REPS1: variants seen among roughly 807,000 people sequenced by gnomAD.
REPS1 encodes RALBP1 associated Eps domain containing 1.
A neutral mutation model predicts 100.9 loss-of-function variants in REPS1; 39 were observed. The ratio of observed to expected loss-of-function variants is 0.39; its 90% CI spans 0.30 to 0.50. The LOEUF (loss-of-function observed/expected upper bound fraction) is 0.50. Ranked by LOEUF, REPS1 falls within the 20% of genes least tolerant of loss-of-function variation. The pLI is 0.86. For synonymous variants in REPS1, 324 were observed against 340.3 expected, an observed-to-expected ratio of 0.95 and a Z score of 0.53; for missense variants, 821 against 968.5, an observed-to-expected ratio of 0.85 and a Z score of 2.02.
chr6:138,948,141 A>C (rs1443485209), intron 1 of REPS1, among the ~76,000 whole-genome samples: 2 of 152,184 alleles, frequency 1.3e-5, no homozygotes, highest in African/African-American at 4.8e-5. Context: ...AATCCATATG[A>C]TTAGCAATTT....
Position 138,988,031 on chromosome 6 carries a change from G to C in REPS1, c.-349C>G, listed in dbSNP as rs143077749. 1.1e-4 allele frequency: 42 copies of C among 396,838 alleles called. No individual in the cohort carries two copies. The highest frequency in any genetic ancestry group is 7.8e-4 in the African/African-American group (38 of 48,638). 24.6% of individuals were successfully genotyped at this position (396,838 alleles called of 1,614,324 possible). On this transcript the variant is annotated 5_prime_UTR_variant, in exon 1 of 20. Transcript: ENST00000450536. The stretch of plus-strand genomic sequence containing the variant: ...GGCACTGGCGGACTCCGCCCCCGCC[G>C]CGGGTTCGAGTCTCCCCGGCTCCCT...
In REPS1 at chr6:138,904,190, G is replaced by T. The variant is rs1779502476; in HGVS notation, c.*874C>A. The T allele has an allele frequency of 6.6e-6, 1 of 152,042 alleles. No homozygotes were observed. 9.4% of individuals were successfully genotyped at this position (152,042 alleles called of 1,614,324 possible). ...TTAATATTAAACAAAATCTAAAACAGCATATTGTCCTGAATAAGGCATACT... is the reference window on the plus strand; with the variant it reads ...TTAATATTAAACAAAATCTAAAACATCATATTGTCCTGAATAAGGCATACT... On this transcript the variant is annotated 3_prime_UTR_variant, in exon 20 of 20. Transcript: ENST00000450536.
chr6:138,937,827 T>C (rs547960202), intron 8 of REPS1, among the ~76,000 whole-genome samples: 2 of 152,322 alleles, frequency 1.3e-5, no homozygotes, highest in Admixed American at 6.5e-5. Context: ...CACTGAGATA[T>C]AATGAACAAA....
intron 7 of REPS1, 145 bp from the exon 8 acceptor site, chr6:138,941,634 A>G: frequency 1.3e-6 from 1 of 746,264 alleles, no homozygotes; most frequent in Non-Finnish European, 2.2e-6. Flanking sequence ...GATGTGTAAT[A>G]TAGCAAATGT....
In REPS1 at chr6:138,941,398, C is replaced by T; in HGVS notation, c.1072G>A (p.Asp358Asn). ...HLVVARKNGYDLPEKLPESLM... is the reference protein window; with the variant it reads ...HLVVARKNGYNLPEKLPESLM... ...CTTTCAGGAAGTTTTTCTGGTAAAT[C>T]ATAGCCATTCTTCCTAGCAACCACC... The change falls in exon 8 of 20, where the codon GAT (aspartate) becomes AAT (asparagine). Residue 358 changes from aspartate (D) to asparagine (N), a missense_variant. Transcript: ENST00000450536. The T allele has an allele frequency of 6.2e-7, 1 of 1,614,046 alleles. No homozygotes were observed. Among genetic ancestry groups the T allele is most frequent in the Non-Finnish European group, 8.5e-7 (1 of 1,179,972 alleles).
At chr6:138,939,494 A>G (rs1229859958) in intron 8 of REPS1, among the ~76,000 whole-genome samples, 1 of 152,246 alleles carries the variant, frequency 6.6e-6, no homozygotes, top group Non-Finnish European at 1.5e-5. Context: ...TTTAAATTAA[A>G]GGAAAAATTA....
Position 138,920,329 on chromosome 6 carries a change from T to G in REPS1, c.1427-13A>C, listed in dbSNP as rs552749911. 1 of 1,388,612 alleles carries G rather than the reference T, an allele frequency of 7.2e-7. No homozygotes were observed. Among genetic ancestry groups the G allele is most frequent in the South Asian group, 1.2e-5 (1 of 86,194 alleles). 86.0% of individuals were successfully genotyped at this position (1,388,612 alleles called of 1,614,324 possible). ...GGATTTGTATGATCTAATAGAGAATTAATAGGTAAAAATACAAGACATAGG... is the reference window on the plus strand; with the variant it reads ...GGATTTGTATGATCTAATAGAGAATGAATAGGTAAAAATACAAGACATAGG... On this transcript the variant is annotated splice_polypyrimidine_tract_variant and intron_variant, in intron 11 of 19. Coordinates refer to ENST00000450536, the MANE Select transcript of REPS1 (RefSeq NM_001286611.2).
intron 13 of REPS1, among the ~76,000 whole-genome samples, chr6:138,916,712 T>C (rs376238470): frequency 5.4e-4 from 82 of 152,318 alleles, no homozygotes; most frequent in African/African-American, 1.9e-3. Flanking sequence ...CTTTCATGTG[T>C]CCGCAGAGGC....
chr6:138,966,595 T>C lies in REPS1; in HGVS notation c.154-18682A>G, dbSNP rs377142489. Reference sequence around the variant, plus strand: ...CACACAGCAAGTGACAGAACTTAGATTGAAACCCATGCTCTTTGTCACTTC... The same window carrying C: ...CACACAGCAAGTGACAGAACTTAGACTGAAACCCATGCTCTTTGTCACTTC... On this transcript the variant is annotated intron_variant, in intron 1 of 19. Coordinates refer to ENST00000450536, the MANE Select transcript of REPS1 (RefSeq NM_001286611.2). 1.4e-4 allele frequency among the ~76,000 whole-genome samples: 22 copies of C among 152,292 alleles called. No individual in the cohort carries two copies. The South Asian group carries it at 2.1e-3, about 14-fold the overall frequency.
rs1782539380 is a variant in REPS1, at chr6:138,945,345, G to C, written c.502C>G (p.Gln168Glu). Residue 168 changes from glutamine (Q) to glutamate (E), a missense_variant, in exon 4 of 20, where the codon CAG (glutamine) becomes GAG (glutamate). Gln to Glu is a conservative substitution (Grantham distance 29). Transcript: ENST00000450536. ...TGTGGAGAAGTTGGTGGGGATTGCT[G>C]TGGTGAAACTACTGGGGATGCAGGT... ...QEPASPVVSP[Q>E]QSPPTSPHTW... is the part of the protein sequence containing the mutation. 1 of 1,611,454 alleles carries C rather than the reference G, an allele frequency of 6.2e-7. No homozygotes were observed. Among genetic ancestry groups the C allele is most frequent in the African/African-American group, 1.3e-5 (1 of 74,828 alleles).
intron 17 of REPS1, among the ~76,000 whole-genome samples, chr6:138,910,751 G>T (rs981343059): frequency 5.3e-5 from 8 of 152,272 alleles, no homozygotes; most frequent in African/African-American, 1.7e-4. Flanking sequence ...ATTGACAGAT[G>T]AACAGATGGC....
chr6:138,926,197 TA>T (rs1205565694), intron 10 of REPS1, among the ~76,000 whole-genome samples: 1 of 152,180 alleles, frequency 6.6e-6, no homozygotes, highest in Non-Finnish European at 1.5e-5. Context: ...TTTAAAAACG[TA>T]GTTTTCTCTC....
intron 1 of REPS1, among the ~76,000 whole-genome samples, chr6:138,948,710 T>C (rs1392020582): frequency 6.6e-6 from 1 of 152,258 alleles, no homozygotes; most frequent in Non-Finnish European, 1.5e-5. Context: ...GCCTGTTGTA[T>C]CTTTTCAAAT....
At chr6:138,979,175 C>T (rs1462645917) in intron 1 of REPS1, among the ~76,000 whole-genome samples, 1 of 61,142 alleles carries the variant, frequency 1.6e-5, no homozygotes, top group Non-Finnish European at 2.9e-5. Context: ...AGCGAGAATC[C>T]ATCACAAAAA....
intron 10 of REPS1, among the ~76,000 whole-genome samples, chr6:138,921,383 G>A (rs1393368602): frequency 1.3e-5 from 2 of 151,700 alleles, no homozygotes; most frequent in Admixed American, 1.3e-4. Context: ...ATGAAGGCTG[G>A]GCACTGACGC....
Position 138,908,693 on chromosome 6 carries a change from G to C in REPS1, c.2191C>G (p.Leu731Val). 1 of 1,614,176 alleles carries C rather than the reference G, an allele frequency of 6.2e-7. No individual in the cohort carries two copies. The highest frequency in any genetic ancestry group is 8.5e-7 in the Non-Finnish European group (1 of 1,180,018). Residue 731 changes from leucine (L) to valine (V), a missense_variant, in exon 18 of 20, where the codon CTT (leucine) becomes GTT (valine). Transcript: ENST00000450536. ...CTGGGAATAGAAGGTTGTGATGCAAGAACAGCAGCTAAGACACCCGTCTTT... is the reference window on the plus strand; with the variant it reads ...CTGGGAATAGAAGGTTGTGATGCAACAACAGCAGCTAAGACACCCGTCTTT... Reference protein sequence around the residue: ...TQKTGVLAAVLASQPSIPRSV... With the variant: ...TQKTGVLAAVVASQPSIPRSV...
chr6:138,936,252 G>C (rs1781829380), intron 8 of REPS1, among the ~76,000 whole-genome samples: 1 of 151,970 alleles, frequency 6.6e-6, no homozygotes, highest in Admixed American at 6.6e-5. Context: ...AAGTGCAGTG[G>C]TGAGATCATA....
chr6:138,948,853 A>G (rs1021804920), intron 1 of REPS1, among the ~76,000 whole-genome samples: 2 of 152,236 alleles, frequency 1.3e-5, no homozygotes, highest in African/African-American at 4.8e-5. Context: ...AAAAGGACCT[A>G]TTAATGATTA....
chr6:138,931,232 A>G (rs1040625943), intron 8 of REPS1, among the ~76,000 whole-genome samples: 2 of 152,222 alleles, frequency 1.3e-5, no homozygotes, highest in African/African-American at 4.8e-5. Context: ...AATATAAGCT[A>G]GCAATGTATA....
Sources: gnomAD v4.1 joint callset for allele counts (sites outside exome capture counted in the v4.1 genomes callset) on GRCh38, gnomAD v4.1.1 for gene constraint, MANE v1.5 for transcripts, NCBI Gene and HGNC (gene_info 2026-07-23, HGNC 2026-07-21) for gene names.